The following RANBP2 variants were observed in gnomAD, a reference collection of about 807,000 sequenced individuals.
The protein encoded by RANBP2 is RAN binding protein 2.
In RANBP2, 57 loss-of-function variants were observed where a neutral mutation model predicts 303.6. The observed-to-expected ratio is 0.19, with a 90% CI of 0.15 to 0.23. RANBP2 has a LOEUF of 0.23. Among genes scored for constraint, RANBP2 ranks in the 10% least tolerant of loss-of-function variants. The pLI is 1.00. For missense variants in RANBP2, 3,138 were observed against 3,780.8 expected, an observed-to-expected ratio of 0.83 and a Z score of 4.46; for synonymous variants, 1,167 against 1,301.5, an observed-to-expected ratio of 0.90 and a Z score of 2.23.
intron 6 of RANBP2, among the ~76,000 whole-genome samples, chr2:108,739,274 G>A (rs938641376): frequency 6.6e-6 from 1 of 151,980 alleles, no homozygotes. Context: ...ATGTTGGCAC[G>A]CACTTACAGT....
At chr2:109,181,764 C>G in the RANBP2 span, among the ~76,000 whole-genome samples, 1 of 152,200 alleles carries the variant, frequency 6.6e-6, no homozygotes, top group African/African-American at 2.4e-5. Context: ...TTCCATCTGT[C>G]TCCCTGCCTT....
the RANBP2 span, among the ~76,000 whole-genome samples, chr2:108,913,428 C>T: frequency 6.6e-6 from 1 of 152,078 alleles, no homozygotes; most frequent in Admixed American, 6.5e-5. Flanking sequence ...TAGGGTGATA[C>T]AATACTTGAC....
the RANBP2 span, among the ~76,000 whole-genome samples, chr2:109,669,362 A>C: frequency 6.6e-6 from 1 of 152,248 alleles, no homozygotes. Flanking sequence ...TCAGCACAGC[A>C]AAAGAAACAA....
At chr2:109,189,267 G>A in the RANBP2 span, among the ~76,000 whole-genome samples, 4,372 of 151,972 alleles carry the variant, frequency 0.029, 212 homozygotes, top group African/African-American at 0.1. Context: ...GCTTGATCTG[G>A]AGTTACCTGG....
the RANBP2 span, among the ~76,000 whole-genome samples, chr2:109,256,471 G>C: frequency 0.06 from 8,955 of 150,400 alleles, 390 homozygotes; most frequent in East Asian, 0.12. Flanking sequence ...CTCTCTCATG[G>C]AAACAGGGGA....
At chr2:108,824,300 A>G in the RANBP2 span, among the ~76,000 whole-genome samples, 6 of 152,226 alleles carry the variant, frequency 3.9e-5, no homozygotes, top group African/African-American at 4.8e-5. Flanking sequence ...TTGTACAGGT[A>G]TACAAAAATA....
At chr2:109,559,889 C>T in the RANBP2 span, among the ~76,000 whole-genome samples, 2 of 149,434 alleles carry the variant, frequency 1.3e-5, no homozygotes, top group African/African-American at 5.0e-5. Flanking sequence ...AAGTCCAGAC[C>T]TATGTAGCCT....
At chr2:109,408,328 C>T in the RANBP2 span, among the ~76,000 whole-genome samples, 3 of 152,168 alleles carry the variant, frequency 2.0e-5, no homozygotes, top group Admixed American at 6.5e-5. Context: ...AATGTGAAGA[C>T]CCATGATGGC....
chr2:109,457,992 C>T, the RANBP2 span, among the ~76,000 whole-genome samples: 3 of 152,166 alleles, frequency 2.0e-5, no homozygotes, highest in African/African-American at 7.2e-5. Flanking sequence ...ACAGAGAGTG[C>T]TGGGTTCGGC....
At chr2:109,241,828 C>T in the RANBP2 span, among the ~76,000 whole-genome samples, 2 of 150,852 alleles carry the variant, frequency 1.3e-5, no homozygotes, top group Admixed American at 6.6e-5. Context: ...TGCAGTGGTG[C>T]GATCTCGGCT....
the RANBP2 span, among the ~76,000 whole-genome samples, chr2:109,677,325 T>A: frequency 4.6e-5 from 7 of 152,146 alleles, no homozygotes; most frequent in African/African-American, 1.7e-4. Context: ...TGCCCGACGT[T>A]TCTCTGAATC....
At chr2:108,725,750 G>T (rs1165263109) in intron 1 of RANBP2, among the ~76,000 whole-genome samples, 1 of 151,382 alleles carries the variant, frequency 6.6e-6, no homozygotes, top group African/African-American at 2.4e-5. Flanking sequence ...AGGAAGGGGG[G>T]AACAAGCCTT....
chr2:109,518,768 T>C, the RANBP2 span, among the ~76,000 whole-genome samples: 1 of 152,090 alleles, frequency 6.6e-6, no homozygotes, highest in Non-Finnish European at 1.5e-5. Context: ...AAAGGGGGTT[T>C]ATTTGGCTCA....
At chr2:109,404,414 G>C in the RANBP2 span, among the ~76,000 whole-genome samples, 1 of 152,216 alleles carries the variant, frequency 6.6e-6, no homozygotes, top group South Asian at 2.1e-4. Context: ...TAGCCATGTG[G>C]GAAATGCTAC....
chr2:108,936,593 TCAGTACTC>T, the RANBP2 span, among the ~76,000 whole-genome samples: 1 of 152,028 alleles, frequency 6.6e-6, no homozygotes, highest in Non-Finnish European at 1.5e-5. Flanking sequence ...CCAGCAGGAT[TCAGTACTC>T]CCCCGCCTCC....
At chr2:108,997,748 G>A in the RANBP2 span, among the ~76,000 whole-genome samples, 4 of 151,832 alleles carry the variant, frequency 2.6e-5, no homozygotes, top group South Asian at 6.2e-4. Context: ...AAAATTAGCC[G>A]GGCATGGTGG....
At chr2:108,956,006 G>A in the RANBP2 span, among the ~76,000 whole-genome samples, 1 of 152,172 alleles carries the variant, frequency 6.6e-6, no homozygotes, top group African/African-American at 2.4e-5. Context: ...TCCAGCCTGG[G>A]CAACAGGGCA....
the RANBP2 span, among the ~76,000 whole-genome samples, chr2:109,265,018 C>T: frequency 1.3e-5 from 2 of 152,226 alleles, no homozygotes; most frequent in East Asian, 3.9e-4. Flanking sequence ...CATCATCAGC[C>T]TGGGGAACCT....
chr2:109,176,960 T>C, the RANBP2 span, among the ~76,000 whole-genome samples: 1 of 152,058 alleles, frequency 6.6e-6, no homozygotes, highest in African/African-American at 2.4e-5. Flanking sequence ...ATTTGGCATT[T>C]TAGGTGAGGT....
Sources: gnomAD v4.1 joint callset for allele counts (sites outside exome capture counted in the v4.1 genomes callset) on GRCh38, gnomAD v4.1.1 for gene constraint, MANE v1.5 for transcripts, NCBI Gene and HGNC (gene_info 2026-07-23, HGNC 2026-07-21) for gene names.